The following SLC25A21 variants were observed in gnomAD, a reference collection of about 807,000 sequenced individuals.
SLC25A21 encodes solute carrier family 25 member 21, also known as mitochondrial 2-oxodicarboxylate carrier.
SLC25A21 carries 47 observed loss-of-function variants against 43.8 expected under a neutral mutation model. That is an observed-to-expected ratio of 1.07 (90% confidence interval 0.85 to 1.37). The LOEUF (loss-of-function observed/expected upper bound fraction) is 1.37, where lower values mean the gene tolerates loss of function less well. SLC25A21 is among the 40% of genes most tolerant of loss of function. The pLI, the probability that SLC25A21 is intolerant of heterozygous loss-of-function variation, is 0.00. For missense variants in SLC25A21, 352 were observed against 350.2 expected (o/e 1.00, Z -0.04); for synonymous variants, 131 against 121.3 (o/e 1.08, Z -0.52).
At chr14:36,882,639 A>T (rs1470570343) in intron 1 of SLC25A21, among the ~76,000 whole-genome samples, 1 of 151,642 alleles carries the variant, frequency 6.6e-6, no homozygotes, top group Non-Finnish European at 1.5e-5. Flanking sequence ...ACCTACACTC[A>T]CTCTCTTGGT....
At chr14:37,066,613 G>A (rs1340553303) in intron 1 of SLC25A21, among the ~76,000 whole-genome samples, 1 of 152,060 alleles carries the variant, frequency 6.6e-6, no homozygotes, top group Non-Finnish European at 1.5e-5. Flanking sequence ...GCAGTACTCA[G>A]GGGTTAAGGA....
chr14:37,170,068 G>A lies in SLC25A21; in HGVS notation c.70+2213C>T, dbSNP rs537771813. On this transcript the variant is annotated intron_variant, in intron 1 of 9. Transcript: ENST00000331299. ...CTTTTTTTTTTTGAGACCGAGTCTCGCTCTGTCGCCAGGTTGGAGTGCAGT... is the reference window on the plus strand; with the variant it reads ...CTTTTTTTTTTTGAGACCGAGTCTCACTCTGTCGCCAGGTTGGAGTGCAGT... Among the ~76,000 whole-genome samples the A allele has an allele frequency of 3.3e-3, 504 of 151,742 alleles. 3 individuals carry two copies. Among genetic ancestry groups the A allele is most frequent in the African/African-American group, 0.011 (467 of 41,388 alleles).
chr14:37,065,806 T>A (rs1962048813), intron 1 of SLC25A21, among the ~76,000 whole-genome samples: 1 of 152,104 alleles, frequency 6.6e-6, no homozygotes, highest in Non-Finnish European at 1.5e-5. Context: ...AAGATAGAAA[T>A]AAAAAGTGGG....
intron 1 of SLC25A21, among the ~76,000 whole-genome samples, chr14:37,094,977 CAA>C (rs904590355): frequency 2.6e-5 from 4 of 151,858 alleles, no homozygotes; most frequent in Admixed American, 6.6e-5. Flanking sequence ...ACCACACACA[CAA>C]AAAAAAAGTA....
chr14:37,032,825 A>G (rs73258226), intron 1 of SLC25A21, among the ~76,000 whole-genome samples: 11,130 of 152,176 alleles, frequency 0.073, 808 homozygotes, highest in African/African-American at 0.19. Flanking sequence ...TCCTAATAAA[A>G]TGTTTATTTA....
intron 3 of SLC25A21, among the ~76,000 whole-genome samples, chr14:36,768,303 C>T (rs757538632): frequency 3.9e-5 from 6 of 152,010 alleles, no homozygotes; most frequent in Non-Finnish European, 8.8e-5. Flanking sequence ...AGTGTCAAAA[C>T]GAACAAAGGG....
chr14:37,047,757 C>A (rs1961619097), intron 1 of SLC25A21, among the ~76,000 whole-genome samples: 1 of 152,178 alleles, frequency 6.6e-6, no homozygotes, highest in African/African-American at 2.4e-5. Context: ...TCTATACCCA[C>A]ATGTTGTGAC....
At chr14:36,703,182 C>A (rs186290800) in intron 7 of SLC25A21, among the ~76,000 whole-genome samples, 1 of 152,266 alleles carries the variant, frequency 6.6e-6, no homozygotes, top group Admixed American at 6.5e-5. Flanking sequence ...TTAAATCATA[C>A]TATGCTCTAA....
intron 1 of SLC25A21, among the ~76,000 whole-genome samples, chr14:37,122,858 T>C (rs79474434): frequency 6.6e-6 from 1 of 152,188 alleles, no homozygotes; most frequent in East Asian, 1.9e-4. Flanking sequence ...GTATCACTCA[T>C]CTAGAAATCA....
chr14:36,882,237 G>A (rs893918429), intron 1 of SLC25A21, among the ~76,000 whole-genome samples: 1 of 152,128 alleles, frequency 6.6e-6, no homozygotes, highest in Non-Finnish European at 1.5e-5. Context: ...ACAAAAATTA[G>A]TCAGGCGTGG....
At chr14:36,981,527 T>C (rs919377095) in intron 1 of SLC25A21, among the ~76,000 whole-genome samples, 14 of 152,222 alleles carry the variant, frequency 9.2e-5, no homozygotes, top group Non-Finnish European at 1.6e-4. Flanking sequence ...GATAAGTTCA[T>C]GTCCTTTGTA....
chr14:36,924,789 T>C (rs1028381878), intron 1 of SLC25A21, among the ~76,000 whole-genome samples: 1 of 152,200 alleles, frequency 6.6e-6, no homozygotes, highest in African/African-American at 2.4e-5. Context: ...ACTATTTATA[T>C]AGCATTTATA....
At chr14:36,969,499 T>A (rs1420092149) in intron 1 of SLC25A21, among the ~76,000 whole-genome samples, 1 of 151,988 alleles carries the variant, frequency 6.6e-6, no homozygotes, top group African/African-American at 2.4e-5. Context: ...AAAACAAAAA[T>A]TTTTTTAGAG....
At chr14:36,686,456 A>T (rs1427389589) in intron 7 of SLC25A21, among the ~76,000 whole-genome samples, 3 of 152,160 alleles carry the variant, frequency 2.0e-5, no homozygotes, top group Non-Finnish European at 4.4e-5. Context: ...ATTCTAGACC[A>T]GCTCTGGTTG....
intron 6 of SLC25A21, chr14:36,725,060 T>A (rs1884537356): frequency 6.6e-6 from 1 of 152,322 alleles, no homozygotes; most frequent in South Asian, 2.1e-4. Context: ...TGCATTTTTG[T>A]TAACACTTTA....
At chr14:37,132,262 G>A (rs1370371007) in intron 1 of SLC25A21, among the ~76,000 whole-genome samples, 1 of 152,154 alleles carries the variant, frequency 6.6e-6, no homozygotes, top group Non-Finnish European at 1.5e-5. Flanking sequence ...ATTACGTTTC[G>A]CACATAGGAA....
At chr14:36,771,394 T>C (rs1430096262) in intron 3 of SLC25A21, among the ~76,000 whole-genome samples, 1 of 152,180 alleles carries the variant, frequency 6.6e-6, no homozygotes, top group African/African-American at 2.4e-5. Flanking sequence ...GAGTGCAAAG[T>C]ACAACTCCTT....
intron 1 of SLC25A21, among the ~76,000 whole-genome samples, chr14:36,946,618 G>A (rs552192162): frequency 3.8e-4 from 58 of 152,236 alleles, no homozygotes; most frequent in African/African-American, 1.3e-3. Flanking sequence ...TACCAGGTAG[G>A]TGAAACTTTT....
At chr14:37,127,413 T>C (rs559484625) in intron 1 of SLC25A21, among the ~76,000 whole-genome samples, 1 of 152,326 alleles carries the variant, frequency 6.6e-6, no homozygotes, top group South Asian at 2.1e-4. Flanking sequence ...ACAAATATCT[T>C]TGACTTTAAC....
Sources: allele counts gnomAD v4.1 joint callset (sites outside exome capture counted in the v4.1 genomes callset), GRCh38; gene constraint gnomAD v4.1.1; transcripts MANE v1.5; gene names NCBI Gene and HGNC (gene_info 2026-07-23, HGNC 2026-07-21).